TSPAN13: variants seen among roughly 807,000 people sequenced by gnomAD.
TSPAN13 encodes the protein tetraspanin 13.
Under a neutral mutation model 26.9 loss-of-function variants are expected in TSPAN13, and 18 were observed. The observed-to-expected ratio is 0.67, with a 90% CI of 0.46 to 0.99. TSPAN13 has a LOEUF of 0.99. TSPAN13 is among the 50% of genes least tolerant of loss of function. The pLI, the probability that TSPAN13 is intolerant of heterozygous loss-of-function variation, is 0.00. For missense variants in TSPAN13, 201 were observed against 249.6 expected, an observed-to-expected ratio of 0.81 and a Z score of 1.31; for synonymous variants, 116 against 98.4, an observed-to-expected ratio of 1.18 and a Z score of -1.06.
intron 2 of TSPAN13, among the ~76,000 whole-genome samples, chr7:16,776,590 T>A (rs1307074971): frequency 6.6e-6 from 1 of 152,218 alleles, no homozygotes; most frequent in Non-Finnish European, 1.5e-5. Flanking sequence ...CTGAAGAATA[T>A]ATTCTGCAAG....
chr7:16,758,062 T>C (rs1201769523), intron 1 of TSPAN13, among the ~76,000 whole-genome samples: 1 of 152,140 alleles, frequency 6.6e-6, no homozygotes, highest in Non-Finnish European at 1.5e-5. Flanking sequence ...CTTGAACTCC[T>C]GACCTCAGGC....
intron 1 of TSPAN13, among the ~76,000 whole-genome samples, chr7:16,769,255 G>T (rs967407188): frequency 2.6e-5 from 4 of 152,118 alleles, no homozygotes; most frequent in Non-Finnish European, 5.9e-5. Flanking sequence ...CTCAAGTTTT[G>T]CAGACATGGG....
At chr7:16,754,089 T>G (rs1784453848) in intron 1 of TSPAN13, 59 bp downstream of exon 1, 10 of 1,545,334 alleles carry the variant, frequency 6.5e-6, no homozygotes, top group Non-Finnish European at 8.0e-6. Flanking sequence ...TTGGGAGCTC[T>G]TTGGCTTCCC....
chr7:16,770,272 C>G (rs1161269882), intron 1 of TSPAN13, among the ~76,000 whole-genome samples: 1 of 151,886 alleles, frequency 6.6e-6, no homozygotes, highest in East Asian at 1.9e-4. Flanking sequence ...GTGGCACAAT[C>G]TCGGCTCACT....
At chr7:16,771,747 C>G (rs1030218887) in intron 1 of TSPAN13, among the ~76,000 whole-genome samples, 3 of 152,200 alleles carry the variant, frequency 2.0e-5, no homozygotes, top group African/African-American at 7.2e-5. Flanking sequence ...TTTTAAGCCA[C>G]TACACTTGTG....
Position 16,777,920 on chromosome 7 carries a change from A to G in TSPAN13, c.426+9A>G, listed in dbSNP as rs1784771704. 6.3e-7 allele frequency: 1 copy of G among 1,585,578 alleles called. No homozygotes were observed. Among genetic ancestry groups the G allele is most frequent in the Non-Finnish European group, 8.6e-7 (1 of 1,159,066 alleles). ...ATGACACCTGTCTGGCTGTAAGTACATTGTATAATATATGTTTTTGGAAAT... is the reference window on the plus strand; with the variant it reads ...ATGACACCTGTCTGGCTGTAAGTACGTTGTATAATATATGTTTTTGGAAAT... On this transcript the variant is annotated intron_variant, in intron 4 of 5. Coordinates refer to ENST00000262067, the MANE Select transcript of TSPAN13 (RefSeq NM_014399.4).
chr7:16,764,451 A>G (rs965782796), intron 1 of TSPAN13, among the ~76,000 whole-genome samples: 1 of 152,110 alleles, frequency 6.6e-6, no homozygotes, highest in Non-Finnish European at 1.5e-5. Flanking sequence ...TCTAATTCCA[A>G]GTAGAATTTC....
chr7:16,769,730 T>C (rs1395064489), intron 1 of TSPAN13, among the ~76,000 whole-genome samples: 3 of 152,200 alleles, frequency 2.0e-5, no homozygotes, highest in Non-Finnish European at 2.9e-5. Context: ...ATGAAAGCTG[T>C]GTTTCTCTCC....
intron 1 of TSPAN13, among the ~76,000 whole-genome samples, chr7:16,773,987 A>G (rs1784711860): frequency 6.6e-6 from 1 of 152,228 alleles, no homozygotes; most frequent in Non-Finnish European, 1.5e-5. Flanking sequence ...GTCAAGCACT[A>G]GTCTAGATGT....
intron 5 of TSPAN13, among the ~76,000 whole-genome samples, chr7:16,780,906 A>G (rs1459961180): frequency 2.0e-5 from 3 of 152,146 alleles, no homozygotes; most frequent in Non-Finnish European, 4.4e-5. Flanking sequence ...AGAGATTTTT[A>G]TAACTTATGC....
chr7:16,758,204 C>T (rs1195910580), intron 1 of TSPAN13, among the ~76,000 whole-genome samples: 8 of 152,000 alleles, frequency 5.3e-5, no homozygotes, highest in Non-Finnish European at 1.0e-4. Context: ...TAAAAAAATA[C>T]GACCATACAA....
chr7:16,782,222 C>T (rs1223605604), intron 5 of TSPAN13, among the ~76,000 whole-genome samples: 9 of 152,186 alleles, frequency 5.9e-5, no homozygotes, highest in Non-Finnish European at 1.3e-4. Context: ...ATCTTCAAAT[C>T]AGGCTTACCT....
At chr7:16,778,159 C>CT (rs1230744379) in intron 4 of TSPAN13, among the ~76,000 whole-genome samples, 7 of 152,136 alleles carry the variant, frequency 4.6e-5, no homozygotes, top group African/African-American at 1.7e-4. Context: ...TAATTTCTTC[C>CT]CATCCTTCTC....
At chr7:16,762,580 C>T (rs531369493) in intron 1 of TSPAN13, among the ~76,000 whole-genome samples, 4 of 152,280 alleles carry the variant, frequency 2.6e-5, no homozygotes, top group Middle Eastern at 3.4e-3. Context: ...AAAACCAAGA[C>T]CACAATGTTA....
chr7:16,757,987 C>G (rs1363678440), intron 1 of TSPAN13, among the ~76,000 whole-genome samples: 1 of 152,090 alleles, frequency 6.6e-6, no homozygotes, highest in African/African-American at 2.4e-5. Context: ...GTGCCCGCCA[C>G]CATGTCCAGC....
chr7:16,759,517 C>T (rs1784517894), intron 1 of TSPAN13, among the ~76,000 whole-genome samples: 1 of 152,102 alleles, frequency 6.6e-6, no homozygotes, highest in African/African-American at 2.4e-5. Flanking sequence ...CCAGGCCCCA[C>T]CTCCAACATT....
At chr7:16,779,806 C>G (rs778897885) in intron 5 of TSPAN13, among the ~76,000 whole-genome samples, 3 of 147,966 alleles carry the variant, frequency 2.0e-5, no homozygotes, top group Non-Finnish European at 4.5e-5. Flanking sequence ...GAGTCTTGCT[C>G]TGTCACCCAG....
chr7:16,767,906 T>G (rs1321847420), intron 1 of TSPAN13, among the ~76,000 whole-genome samples: 1 of 152,132 alleles, frequency 6.6e-6, no homozygotes, highest in Non-Finnish European at 1.5e-5. Flanking sequence ...TTTTTATTTT[T>G]TATTTATTTT....
intron 1 of TSPAN13, among the ~76,000 whole-genome samples, chr7:16,765,429 C>A (rs541339035): frequency 6.6e-6 from 1 of 152,152 alleles, no homozygotes; most frequent in Non-Finnish European, 1.5e-5. Flanking sequence ...ATGTTCCTTG[C>A]AGTAGCACCT....
Sources: gnomAD v4.1 joint callset for allele counts (sites outside exome capture counted in the v4.1 genomes callset) on GRCh38, gnomAD v4.1.1 for gene constraint, MANE v1.5 for transcripts, NCBI Gene and HGNC (gene_info 2026-07-23, HGNC 2026-07-21) for gene names.